XKR6: variants seen among roughly 807,000 people sequenced by gnomAD.
The protein encoded by XKR6 is XK-related protein 6.
Under a neutral mutation model 56.7 loss-of-function variants are expected in XKR6, and 22 were observed. The ratio of observed to expected loss-of-function variants is 0.39; its 90% CI spans 0.28 to 0.55. The LOEUF (loss-of-function observed/expected upper bound fraction) is 0.55. XKR6 is among the 20% of genes least tolerant of loss of function. The pLI is 0.66. For missense variants in XKR6, 852 were observed against 889.0 expected (o/e 0.96, Z 0.53); for synonymous variants, 524 against 387.8 (o/e 1.35, Z -4.13).
chr8:11,073,783 A>G (rs1231119071), intron 1 of XKR6, among the ~76,000 whole-genome samples: 1 of 152,188 alleles, frequency 6.6e-6, no homozygotes, highest in African/African-American at 2.4e-5. Context: ...TGGCAGACAG[A>G]GAGGGGCCAG....
intron 1 of XKR6, among the ~76,000 whole-genome samples, chr8:11,178,051 A>C (rs766275608): frequency 1.3e-5 from 2 of 152,148 alleles, no homozygotes; most frequent in Admixed American, 6.5e-5. Flanking sequence ...CACAGCACAG[A>C]AAGCAGAGTG....
intron 1 of XKR6, among the ~76,000 whole-genome samples, chr8:11,043,900 G>A (rs538547402): frequency 3.5e-4 from 53 of 152,340 alleles, no homozygotes; most frequent in African/African-American, 9.6e-4. Context: ...ACCTAAGGCC[G>A]TGCAGGCAAT....
intron 1 of XKR6, among the ~76,000 whole-genome samples, chr8:11,049,673 G>C (rs1017987373): frequency 6.6e-6 from 1 of 152,228 alleles, no homozygotes; most frequent in Non-Finnish European, 1.5e-5. Flanking sequence ...CCGTGGGCTG[G>C]CAGGGGAGGC....
intron 1 of XKR6, among the ~76,000 whole-genome samples, chr8:10,991,215 T>C (rs4841470): frequency 0.61 from 91,871 of 151,588 alleles, 29,480 homozygotes; most frequent in African/African-American, 0.78. Flanking sequence ...TGTCTTACTG[T>C]TTTTTTCACA....
chr8:11,023,981 G>C (rs905136867), intron 1 of XKR6, among the ~76,000 whole-genome samples: 12 of 152,286 alleles, frequency 7.9e-5, no homozygotes, highest in African/African-American at 2.6e-4. Context: ...GATGAGCTTA[G>C]GAAGGTCCTT....
chr8:10,986,546 T>C (rs1221775820), intron 1 of XKR6, among the ~76,000 whole-genome samples: 1 of 152,212 alleles, frequency 6.6e-6, no homozygotes, highest in Non-Finnish European at 1.5e-5. Context: ...AATTCTGTGA[T>C]CAGCAATAGT....
At chr8:11,034,933 AACCCTGAGAGGCC>A (rs1428083139) in intron 1 of XKR6, among the ~76,000 whole-genome samples, 1 of 152,218 alleles carries the variant, frequency 6.6e-6, no homozygotes, top group Non-Finnish European at 1.5e-5. Context: ...GTACTAGCCA[AACCCTGAGAGGCC>A]ACATATGGTG....
chr8:11,139,130 A>G (rs923891219), intron 1 of XKR6, among the ~76,000 whole-genome samples: 29 of 152,252 alleles, frequency 1.9e-4, no homozygotes, highest in African/African-American at 6.5e-4. Context: ...AAGCTTTAAC[A>G]GGCAATTTTA....
intron 1 of XKR6, among the ~76,000 whole-genome samples, chr8:10,946,884 G>C (rs112571542): frequency 2.4e-4 from 37 of 152,140 alleles, no homozygotes; most frequent in African/African-American, 8.5e-4. Context: ...GCTCAAGGAT[G>C]GGGGAGAGTT....
intron 1 of XKR6, among the ~76,000 whole-genome samples, chr8:11,038,497 T>TTGTG (rs34388531): frequency 0.028 from 3,674 of 130,094 alleles, 73 homozygotes; most frequent in East Asian, 0.1. Flanking sequence ...TGTAGTCATT[T>TTGTG]TGTGTGTGTG....
chr8:10,947,850 GATCAC>G (rs964736550), intron 1 of XKR6, among the ~76,000 whole-genome samples: 1 of 152,204 alleles, frequency 6.6e-6, no homozygotes, highest in Non-Finnish European at 1.5e-5. Flanking sequence ...TTGGGGATGT[GATCAC>G]ACAGGTGTAG....
chr8:10,938,149 G>A (rs936319790), intron 1 of XKR6, among the ~76,000 whole-genome samples: 1 of 152,212 alleles, frequency 6.6e-6, no homozygotes, highest in South Asian at 2.1e-4. Flanking sequence ...ATTCGGGTGG[G>A]AGTGACCCGA....
At chr8:10,952,443 T>C (rs1801754879) in intron 1 of XKR6, among the ~76,000 whole-genome samples, 1 of 152,138 alleles carries the variant, frequency 6.6e-6, no homozygotes, top group African/African-American at 2.4e-5. Flanking sequence ...CCTTGCATTA[T>C]TATATTTGTT....
At chr8:10,963,428 G>A (rs924786845) in intron 1 of XKR6, among the ~76,000 whole-genome samples, 4 of 152,122 alleles carry the variant, frequency 2.6e-5, no homozygotes, top group East Asian at 1.9e-4. Context: ...GCTTTGCTTC[G>A]ATACCTGCCT....
At chr8:11,126,958 C>G (rs905216050) in intron 1 of XKR6, among the ~76,000 whole-genome samples, 12 of 152,268 alleles carry the variant, frequency 7.9e-5, no homozygotes, top group African/African-American at 2.9e-4. Flanking sequence ...CAGCTGTAAT[C>G]CAATGTTTAT....
chr8:11,037,291 T>C (rs535995249), intron 1 of XKR6, among the ~76,000 whole-genome samples: 2 of 152,332 alleles, frequency 1.3e-5, no homozygotes, highest in African/African-American at 2.4e-5. Flanking sequence ...GGTGGTACAA[T>C]CTCGGCTCAC....
At chr8:11,144,070 G>C (rs1182350357) in intron 1 of XKR6, among the ~76,000 whole-genome samples, 1 of 151,998 alleles carries the variant, frequency 6.6e-6, no homozygotes, top group South Asian at 2.1e-4. Context: ...CAATGACCTC[G>C]TTTAACCCTA....
At chr8:11,087,685 A>C (rs1309454603) in intron 1 of XKR6, among the ~76,000 whole-genome samples, 1 of 152,182 alleles carries the variant, frequency 6.6e-6, no homozygotes, top group East Asian at 1.9e-4. Flanking sequence ...TGGACTTCCA[A>C]TGTCATCTCT....
At chr8:11,050,536 G>C (rs538562511) in intron 1 of XKR6, among the ~76,000 whole-genome samples, 33 of 148,930 alleles carry the variant, frequency 2.2e-4, no homozygotes, top group Non-Finnish European at 4.3e-4. Flanking sequence ...AGAAAAGAGA[G>C]GGAAACAGAA....
Sources: allele counts gnomAD v4.1 joint callset (sites outside exome capture counted in the v4.1 genomes callset), GRCh38; gene constraint gnomAD v4.1.1; transcripts MANE v1.5; gene names NCBI Gene and HGNC (gene_info 2026-07-23, HGNC 2026-07-21).